Variants in DAPK2 observed in about 807,000 individuals in gnomAD.
The protein encoded by DAPK2 is death-associated protein kinase 2.
DAPK2 carries 35 observed loss-of-function variants against 44.1 expected under a neutral mutation model. That is an observed-to-expected ratio of 0.79 (90% CI 0.61 to 1.05). DAPK2 has a LOEUF of 1.05. Ranked by LOEUF, DAPK2 falls within the 50% of genes least tolerant of loss-of-function variation. DAPK2 has a pLI of 0.00. For missense variants in DAPK2, 453 were observed against 483.2 expected (o/e 0.94, Z 0.59); for synonymous variants, 174 against 182.6 (o/e 0.95, Z 0.38).
At chr15:63,969,614 G>A (rs1363476575) in intron 3 of DAPK2, among the ~76,000 whole-genome samples, 1 of 151,946 alleles carries the variant, frequency 6.6e-6, no homozygotes, top group African/African-American at 2.4e-5. Flanking sequence ...GGTGGCACAC[G>A]CCTTTAGTCC....
chr15:63,939,224 C>T lies in DAPK2; in HGVS notation c.583+8G>A. 4 of 1,613,590 alleles carry T rather than the reference C, an allele frequency of 2.5e-6. No individual in the cohort carries two copies. The highest frequency in any genetic ancestry group is 2.2e-5 in the East Asian group (1 of 44,882). ...CTTAGCTGAAAGACAAACAGGCCTA[C>T]AACTCACCAACAAATTCCGGCGTCC... On this transcript the variant is annotated splice_region_variant and intron_variant, in intron 4 of 10. Transcript: ENST00000261891. The surrounding 1 kb of genome is among the most constrained non-coding windows in gnomAD (Gnocchi z 4.3).
chr15:63,974,630 T>C (rs956853261), intron 2 of DAPK2, among the ~76,000 whole-genome samples: 5 of 152,150 alleles, frequency 3.3e-5, no homozygotes, highest in Admixed American at 6.5e-5. Context: ...TTGGAGGCAA[T>C]AGATGGCAAA....
intron 8 of DAPK2, among the ~76,000 whole-genome samples, chr15:63,913,228 G>T (rs1032021314): frequency 6.6e-6 from 1 of 152,040 alleles, no homozygotes; most frequent in South Asian, 2.1e-4. Context: ...GCTACTAAAG[G>T]GTATGACATT....
chr15:64,025,221 A>C (rs941379645), intron 1 of DAPK2, among the ~76,000 whole-genome samples: 6 of 152,202 alleles, frequency 3.9e-5, no homozygotes, highest in Non-Finnish European at 5.9e-5. Flanking sequence ...AAGTTAGTTC[A>C]ATCTCTAAGA....
At chr15:63,967,717 C>T (rs187714842) in intron 3 of DAPK2, among the ~76,000 whole-genome samples, 10 of 152,204 alleles carry the variant, frequency 6.6e-5, no homozygotes, top group Admixed American at 1.3e-4. Context: ...ATCCATTTGT[C>T]GGCTCCCTGC....
At chr15:63,933,205 C>T (rs1416169827) in intron 4 of DAPK2, among the ~76,000 whole-genome samples, 2 of 152,184 alleles carry the variant, frequency 1.3e-5, no homozygotes, top group East Asian at 3.8e-4. Flanking sequence ...ACTGTTGTGA[C>T]ATCCAAACTG....
chr15:63,944,885 C>G (rs985788344), intron 3 of DAPK2, among the ~76,000 whole-genome samples: 1 of 152,158 alleles, frequency 6.6e-6, no homozygotes, highest in Non-Finnish European at 1.5e-5. Context: ...TTGCCTGTAC[C>G]TGCTCTATAT....
intron 1 of DAPK2, among the ~76,000 whole-genome samples, chr15:64,036,271 A>ATG (rs1297163093): frequency 0.035 from 2,979 of 85,140 alleles, 83 homozygotes; most frequent in South Asian, 0.059. Context: ...AAATATATAT[A>ATG]TATGTGTGTG....
rs1303023859 is a variant in DAPK2, at chr15:63,968,884, AGACAAAG to A, written c.453+2532_453+2538del. ...CCTCCTACCAGACCCATTCAAGAAA[AGACAAAG>A]GAGCCCATTTTGAAGCAGCTCTCCT... On this transcript the variant is annotated intron_variant, in intron 3 of 10. Coordinates refer to ENST00000261891, the Ensembl canonical transcript of DAPK2. Among the ~76,000 whole-genome samples, 3 of 152,196 alleles carry A rather than the reference AGACAAAG, an allele frequency of 2.0e-5. No homozygotes were observed. The East Asian group carries it at 5.8e-4, about 29-fold the overall frequency.
chr15:63,968,057 T>C (rs913664951), intron 3 of DAPK2, among the ~76,000 whole-genome samples: 1 of 151,804 alleles, frequency 6.6e-6, no homozygotes, highest in African/African-American at 2.4e-5. Context: ...GGAAGAAAAA[T>C]GTGGATTTTA....
exon 5 of DAPK2, chr15:63,930,440 T>C: frequency 1.2e-6 from 2 of 1,614,170 alleles, no homozygotes; most frequent in Non-Finnish European, 1.7e-6. Context: ...GGGCTCGTAG[T>C]TCACAATTTC....
intron 3 of DAPK2, among the ~76,000 whole-genome samples, chr15:63,971,155 C>A (rs949452071): frequency 2.6e-5 from 4 of 152,288 alleles, no homozygotes; most frequent in African/African-American, 9.6e-5. Context: ...AGTGTTCCCC[C>A]CTGCTCCCTG....
intron 1 of DAPK2, among the ~76,000 whole-genome samples, chr15:63,996,564 T>C (rs890925696): frequency 6.6e-6 from 1 of 152,356 alleles, no homozygotes; most frequent in South Asian, 2.1e-4. Context: ...TATGTTTGCT[T>C]TCTATGTGCC....
intron 1 of DAPK2, among the ~76,000 whole-genome samples, chr15:64,002,973 CCTGTGTGTGTGTGTGT>C (rs1239122606): frequency 2.4e-4 from 18 of 75,522 alleles, no homozygotes; most frequent in Non-Finnish European, 3.4e-4. Context: ...TGTCGTGGGA[CCTGTGTGTGTGTGTGT>C]GTGTGTGTGT....
chr15:64,030,558 G>A (rs184473064), intron 1 of DAPK2, among the ~76,000 whole-genome samples: 2 of 152,142 alleles, frequency 1.3e-5, no homozygotes, highest in Admixed American at 1.3e-4. Context: ...CCTATGCAGA[G>A]AATGGATATA....
Position 63,939,456 on chromosome 15 carries a change from G to C in DAPK2, c.454-95C>G. ...TGGTTGGTTCGTGTTTTGGCTTTGG[G>C]GTTTGGGGTGGGACTTGGTGTTCTT... On this transcript the variant is annotated intron_variant, in intron 3 of 10. Coordinates refer to ENST00000261891, the Ensembl canonical transcript of DAPK2. The surrounding 1 kb of genome is among the most constrained non-coding windows in gnomAD (Gnocchi z 4.3). The C allele has an allele frequency of 8.1e-7, 1 of 1,236,998 alleles. No individual in the cohort carries two copies. The highest frequency in any genetic ancestry group is 1.1e-6 in the Non-Finnish European group (1 of 899,308). 76.6% of individuals were successfully genotyped at this position (1,236,998 alleles called of 1,614,324 possible). A position where few individuals can be genotyped will look rare whatever the true frequency, so the allele number is the denominator to read the frequency against.
chr15:63,999,125 G>A (rs965771529), intron 1 of DAPK2, among the ~76,000 whole-genome samples: 2 of 152,144 alleles, frequency 1.3e-5, no homozygotes, highest in African/African-American at 4.8e-5. Flanking sequence ...CTGGAAACTC[G>A]CCCATTCACT....
chr15:63,922,393 G>A (rs992536501), intron 8 of DAPK2: 178 of 1,067,802 alleles, frequency 1.7e-4, no homozygotes, highest in Non-Finnish European at 2.0e-4. Context: ...CAGAAAGTGA[G>A]ATATGAACAA....
intron 1 of DAPK2, among the ~76,000 whole-genome samples, chr15:64,034,420 T>C (rs2080116863): frequency 6.6e-6 from 1 of 152,182 alleles, no homozygotes; most frequent in South Asian, 2.1e-4. Context: ...GAGGGTTTAG[T>C]GCAGAGGCTC....
Sources: gnomAD v4.1 joint callset for allele counts (sites outside exome capture counted in the v4.1 genomes callset) on GRCh38, gnomAD v4.1.1 for gene constraint, Gnocchi (gnomAD v3.1) non-coding constraint, MANE v1.5 for transcripts, NCBI Gene and HGNC (gene_info 2026-07-23, HGNC 2026-07-21) for gene names.